Variants in RUNDC3B observed in about 807,000 individuals in gnomAD.
RUNDC3B encodes RUN domain-containing protein 3B.
A neutral mutation model predicts 58.4 loss-of-function variants in RUNDC3B; 33 were observed. That is an observed-to-expected ratio of 0.56 (90% CI 0.43 to 0.75). The LOEUF (loss-of-function observed/expected upper bound fraction) is 0.75. Among genes scored for constraint, RUNDC3B ranks in the 30% least tolerant of loss-of-function variants. The probability of loss-of-function intolerance (pLI) is 0.00; values close to 1 mark genes in which losing one functional copy is unlikely to be tolerated. For missense variants in RUNDC3B, 501 were observed against 535.7 expected, an observed-to-expected ratio of 0.94 and a Z score of 0.64; for synonymous variants, 193 against 195.2, an observed-to-expected ratio of 0.99 and a Z score of 0.10.
intron 9 of RUNDC3B, among the ~76,000 whole-genome samples, chr7:87,814,103 T>A (rs1836890285): frequency 7.0e-6 from 1 of 143,314 alleles, no homozygotes; most frequent in Non-Finnish European, 1.5e-5. Context: ...TTTCTTTCCT[T>A]TTTTTTTTTT....
chr7:87,654,054 T>C (rs1823837985), intron 2 of RUNDC3B, among the ~76,000 whole-genome samples: 1 of 152,072 alleles, frequency 6.6e-6, no homozygotes, highest in East Asian at 1.9e-4. Context: ...GTATTTTTTT[T>C]CTTCTTTTTC....
intron 3 of RUNDC3B, among the ~76,000 whole-genome samples, chr7:87,706,306 AATACTGTAATCTG>A (rs1300009455): frequency 1.3e-5 from 2 of 152,128 alleles, no homozygotes; most frequent in Non-Finnish European, 2.9e-5. Context: ...TAAGTGATAG[AATACTGTAATCTG>A]ATTTCCATTT....
At chr7:87,746,959 A>G (rs1162393976) in intron 6 of RUNDC3B, among the ~76,000 whole-genome samples, 1 of 151,936 alleles carries the variant, frequency 6.6e-6, no homozygotes, top group African/African-American at 2.4e-5. Context: ...TAACCTCCTG[A>G]ATTCTTTTTC....
At chr7:87,784,229 T>C (rs1835088392) in intron 8 of RUNDC3B, among the ~76,000 whole-genome samples, 1 of 152,226 alleles carries the variant, frequency 6.6e-6, no homozygotes, top group African/African-American at 2.4e-5. Flanking sequence ...GATATTTCAC[T>C]CTGGTTAGGA....
chr7:87,741,675 T>C, intron 6 of RUNDC3B, 96 bp downstream of exon 6: 4 of 654,790 alleles, frequency 6.1e-6, no homozygotes, highest in Non-Finnish European at 1.0e-5. Flanking sequence ...GTACTAAATA[T>C]TCGTTCCAAT....
chr7:87,683,416 T>C (rs1337363825), intron 2 of RUNDC3B, among the ~76,000 whole-genome samples: 1 of 152,226 alleles, frequency 6.6e-6, no homozygotes, highest in Non-Finnish European at 1.5e-5. Context: ...CCTTCCTCAA[T>C]AAGATTAATC....
intron 10 of RUNDC3B, among the ~76,000 whole-genome samples, chr7:87,821,083 A>G (rs1279705280): frequency 2.0e-5 from 3 of 150,766 alleles, no homozygotes; most frequent in African/African-American, 7.4e-5. Flanking sequence ...TCAATTAGGA[A>G]AAGAGGAAGT....
chr7:87,812,383 C>T (rs962252884), intron 9 of RUNDC3B, among the ~76,000 whole-genome samples: 18 of 152,030 alleles, frequency 1.2e-4, no homozygotes, highest in South Asian at 4.1e-4. Context: ...CCACAGCGGG[C>T]GGATCACTTG....
chr7:87,750,516 T>G (rs1022776373), intron 6 of RUNDC3B, among the ~76,000 whole-genome samples: 2 of 152,168 alleles, frequency 1.3e-5, no homozygotes, highest in African/African-American at 4.8e-5. Flanking sequence ...GTGTTCCTAT[T>G]TCTCCACATC....
intron 7 of RUNDC3B, among the ~76,000 whole-genome samples, chr7:87,771,865 A>G (rs531706042): frequency 6.6e-5 from 10 of 152,358 alleles, no homozygotes; most frequent in African/African-American, 2.4e-4. Context: ...AGCAAAAATA[A>G]TGACCAATAT....
intron 3 of RUNDC3B, 107 bp from the exon 4 acceptor site, chr7:87,710,463 G>T (rs1583957409): frequency 1.5e-6 from 1 of 647,236 alleles, no homozygotes; most frequent in South Asian, 1.9e-5. Context: ...GTTATCAAAT[G>T]TATATTTTGA....
At chr7:87,809,344 A>G (rs560130712) in intron 9 of RUNDC3B, among the ~76,000 whole-genome samples, 1 of 152,236 alleles carries the variant, frequency 6.6e-6, no homozygotes, top group East Asian at 1.9e-4. Flanking sequence ...GCTATCCCCA[A>G]ACAAAAAAGT....
intron 3 of RUNDC3B, among the ~76,000 whole-genome samples, chr7:87,701,151 A>G (rs964875434): frequency 5.3e-5 from 8 of 152,336 alleles, no homozygotes; most frequent in Non-Finnish European, 7.4e-5. Flanking sequence ...CACTTGTACA[A>G]TTCTTTGAAT....
intron 1 of RUNDC3B, among the ~76,000 whole-genome samples, chr7:87,638,302 T>G (rs1822024380): frequency 6.6e-6 from 1 of 151,994 alleles, no homozygotes; most frequent in African/African-American, 2.4e-5. Context: ...GGTTTTGTCA[T>G]TAAGATTATT....
At chr7:87,768,398 G>C (rs1834089866) in intron 6 of RUNDC3B, among the ~76,000 whole-genome samples, 1 of 152,202 alleles carries the variant, frequency 6.6e-6, no homozygotes, top group Admixed American at 6.5e-5. Context: ...ATTCAGAGAA[G>C]ACTCTGAGAA....
At chr7:87,782,759 G>C (rs766539670) in intron 8 of RUNDC3B, among the ~76,000 whole-genome samples, 1 of 152,118 alleles carries the variant, frequency 6.6e-6, no homozygotes, top group Admixed American at 6.6e-5. Context: ...TGGTGCCAAT[G>C]TGATTGTGTG....
chr7:87,700,721 T>C (rs1828957222), intron 3 of RUNDC3B, 167 bp downstream of exon 3: 1 of 618,006 alleles, frequency 1.6e-6, no homozygotes, highest in Non-Finnish European at 2.7e-6. Flanking sequence ...TCTAAACTAG[T>C]GGCTCTCAAA....
At chr7:87,654,580 A>G (rs1448922991) in intron 2 of RUNDC3B, among the ~76,000 whole-genome samples, 1 of 152,022 alleles carries the variant, frequency 6.6e-6, no homozygotes, top group African/African-American at 2.4e-5. Flanking sequence ...ATCAACTCAA[A>G]ATGCATTAAA....
chr7:87,675,059 C>T (rs1431839258), intron 2 of RUNDC3B, among the ~76,000 whole-genome samples: 1 of 152,232 alleles, frequency 6.6e-6, no homozygotes, highest in Non-Finnish European at 1.5e-5. Context: ...TGATCTCCTG[C>T]TGCTAGGATC....
Sources: gnomAD v4.1 joint callset for allele counts (sites outside exome capture counted in the v4.1 genomes callset) on GRCh38, gnomAD v4.1.1 for gene constraint, MANE v1.5 for transcripts, NCBI Gene and HGNC (gene_info 2026-07-23, HGNC 2026-07-21) for gene names.